The following DCTD variants were observed in gnomAD, a reference collection of about 807,000 sequenced individuals.
DCTD encodes deoxycytidylate deaminase.
DCTD carries 23 observed loss-of-function variants against 21.0 expected under a neutral mutation model. That is an observed-to-expected ratio of 1.09 (90% CI 0.79 to 1.55). The LOEUF (loss-of-function observed/expected upper bound fraction) is 1.55. Ranked by LOEUF, DCTD falls within the 40% of genes most tolerant of loss-of-function variation. The pLI is 0.00. For missense variants in DCTD, 224 were observed against 230.0 expected (o/e 0.97, Z 0.17); for synonymous variants, 71 against 81.1 (o/e 0.88, Z 0.67).
chr4:182,908,145 C>A (rs1231575620), intron 3 of DCTD, among the ~76,000 whole-genome samples: 1 of 152,036 alleles, frequency 6.6e-6, no homozygotes, highest in Non-Finnish European at 1.5e-5. Flanking sequence ...ACAATATATT[C>A]ATATTCTACT....
In DCTD at chr4:182,891,220, CAT is replaced by C; in HGVS notation, c.*177_*178del. On this transcript the variant is annotated 3_prime_UTR_variant, in exon 6 of 6. Transcript: ENST00000438320. ...AAACCCTAAAGCAATAGTTCAAACA[CAT>C]GTAGATTCCATGTGACAAGAGAGAC... 1 of 610,784 alleles carries C rather than the reference CAT, an allele frequency of 1.6e-6. No homozygotes were observed. Among genetic ancestry groups the C allele is most frequent in the Non-Finnish European group, 2.9e-6 (1 of 341,768 alleles). 37.8% of individuals were successfully genotyped at this position (610,784 alleles called of 1,614,324 possible).
chr4:182,899,541 C>T (rs1735355054), intron 3 of DCTD, among the ~76,000 whole-genome samples: 1 of 152,016 alleles, frequency 6.6e-6, no homozygotes, highest in Admixed American at 6.5e-5. Context: ...GCTGGGATTA[C>T]AGGCACCCGT....
At chr4:182,909,032 A>T (rs1331266514) in intron 3 of DCTD, among the ~76,000 whole-genome samples, 2 of 152,174 alleles carry the variant, frequency 1.3e-5, no homozygotes, top group African/African-American at 4.8e-5. Flanking sequence ...ATCCCCAAAC[A>T]TTTCAGCTTT....
At chr4:182,893,803 C>T (rs1734244643) in intron 4 of DCTD, among the ~76,000 whole-genome samples, 1 of 152,244 alleles carries the variant, frequency 6.6e-6, no homozygotes, top group African/African-American at 2.4e-5. Flanking sequence ...CGCGACTCCT[C>T]AGTACCAGCA....
chr4:182,903,690 C>T (rs1416077738), intron 3 of DCTD, among the ~76,000 whole-genome samples: 1 of 152,008 alleles, frequency 6.6e-6, no homozygotes, highest in Non-Finnish European at 1.5e-5. Flanking sequence ...TGCCCATCCG[C>T]CTGCCCACAG....
intron 3 of DCTD, among the ~76,000 whole-genome samples, chr4:182,897,453 G>A (rs989598340): frequency 1.1e-4 from 16 of 150,292 alleles, no homozygotes; most frequent in Non-Finnish European, 2.4e-4. Context: ...ACATCACCAT[G>A]AATAACTGGA....
Position 182,891,455 on chromosome 4 carries a change from T to C in DCTD, c.481A>G (p.Lys161Glu). ...TFRKFIPKCSKIVIDFDSINS... is the reference protein window; with the variant it reads ...TFRKFIPKCSEIVIDFDSINS... Reference sequence around the variant, plus strand: ...ATTGAATCAAAGTCAATGACAATCTTGCTGCACTTCGGTATGAATTTCCTA... The same window carrying C: ...ATTGAATCAAAGTCAATGACAATCTCGCTGCACTTCGGTATGAATTTCCTA... Residue 161 changes from lysine to glutamate, a missense_variant, in exon 6 of 6, where the codon AAG (lysine) becomes GAG (glutamate). Transcript: ENST00000438320. The C allele has an allele frequency of 6.2e-7, 1 of 1,612,022 alleles. No homozygotes were observed. The highest frequency in any genetic ancestry group is 1.1e-5 in the South Asian group (1 of 91,026).
intron 3 of DCTD, among the ~76,000 whole-genome samples, chr4:182,912,143 CGAAA>C (rs71596677): frequency 4.7e-4 from 63 of 133,738 alleles, no homozygotes; most frequent in South Asian, 7.4e-4. Context: ...AATCTTAAAA[CGAAA>C]GCAAAAAAAA....
intron 3 of DCTD, among the ~76,000 whole-genome samples, chr4:182,894,917 G>A (rs1319912845): frequency 6.6e-6 from 1 of 152,248 alleles, no homozygotes; most frequent in Non-Finnish European, 1.5e-5. Context: ...CACCTGAGCT[G>A]GCTCATTGGT....
At position 182,891,446 on chromosome 4, in the gene DCTD, T is replaced by C. The variant is rs750878147; in HGVS notation, c.490A>G (p.Ile164Val). The C allele has an allele frequency of 4.3e-6, 7 of 1,612,494 alleles. No homozygotes were observed. The highest frequency in any genetic ancestry group is 5.9e-6 in the Non-Finnish European group (7 of 1,178,632). The change falls in exon 6 of 6, where the codon ATT (isoleucine) becomes GTT (valine). Residue 164 changes from isoleucine (I) to valine (V), a missense_variant. Coordinates refer to ENST00000438320, the MANE Select transcript of DCTD (RefSeq NM_001921.3). The stretch of plus-strand genomic sequence containing the variant: ...CTGCTGTTAATTGAATCAAAGTCAA[T>C]GACAATCTTGCTGCACTTCGGTATG... ...KFIPKCSKIVIDFDSINSRPS... is the reference protein window; with the variant it reads ...KFIPKCSKIVVDFDSINSRPS...
At chr4:182,913,423 A>C (rs1004027707) in intron 3 of DCTD, among the ~76,000 whole-genome samples, 1 of 152,198 alleles carries the variant, frequency 6.6e-6, no homozygotes, top group Non-Finnish European at 1.5e-5. Flanking sequence ...GTACCTCTTA[A>C]CTTTTTCTTT....
At chr4:182,910,704 A>G (rs1737522047) in intron 3 of DCTD, among the ~76,000 whole-genome samples, 1 of 152,192 alleles carries the variant, frequency 6.6e-6, no homozygotes, top group South Asian at 2.1e-4. Flanking sequence ...ATTTTTCAGG[A>G]AAAGGATGGA....
chr4:182,915,361 TTTAAG>T, intron 2 of DCTD, 95 bp downstream of exon 2: 1 of 875,876 alleles, frequency 1.1e-6, no homozygotes, highest in Admixed American at 1.9e-5. Flanking sequence ...ACCCTGCACT[TTTAAG>T]TTGACAGGCG....
intron 3 of DCTD, among the ~76,000 whole-genome samples, chr4:182,903,080 C>G (rs893198073): frequency 3.3e-5 from 5 of 152,266 alleles, no homozygotes; most frequent in African/African-American, 1.2e-4. Context: ...TAACGACACC[C>G]GCCCCTTCCC....
chr4:182,914,033 A>G (rs576092290), intron 3 of DCTD, among the ~76,000 whole-genome samples: 2 of 152,098 alleles, frequency 1.3e-5, no homozygotes, highest in South Asian at 4.2e-4. Context: ...TTTGAGACAG[A>G]GTCTTGCTCT....
In DCTD at chr4:182,915,056, G is replaced by T; in HGVS notation, c.111C>A (p.Val37=). ...TTTCTGAATTCACGATGCAGGCGCC[G>T]ACCTAGAAGGAAACATGCCCAAAGG... ...AQRSKDPNSQ[V]GACIVNSENK... The change falls in exon 3 of 6, where the codon GTC becomes GTA. Residue 37 remains valine (V), a splice_region_variant and synonymous_variant. Transcript: ENST00000438320. 6.2e-7 allele frequency: 1 copy of T among 1,614,164 alleles called. No individual in the cohort carries two copies. The highest frequency in any genetic ancestry group is 1.1e-5 in the South Asian group (1 of 91,070).
rs971123799 is a variant in DCTD at position 182,911,215 on chromosome 4, C to G, written c.244+3708G>C. On this transcript the variant is annotated intron_variant, in intron 3 of 5. Coordinates refer to ENST00000438320, the MANE Select transcript of DCTD (RefSeq NM_001921.3). ...TGCACATGGAAAAAGAGTAACTGAGCTCCCTGGGGTCCCTTTTAGAAGGGC... is the reference window on the plus strand; with the variant it reads ...TGCACATGGAAAAAGAGTAACTGAGGTCCCTGGGGTCCCTTTTAGAAGGGC... The G allele has an allele frequency of 9.2e-5, 14 of 152,306 alleles. 1 individual carries two copies. Among genetic ancestry groups the G allele is most frequent in the Admixed American group, 7.2e-4 (11 of 15,300 alleles). 9.4% of individuals were successfully genotyped at this position (152,306 alleles called of 1,614,324 possible). A position where few individuals can be genotyped will look rare whatever the true frequency, so the allele number is the denominator to read the frequency against.
At chr4:182,904,663 A>G (rs1429481349) in intron 3 of DCTD, among the ~76,000 whole-genome samples, 1 of 152,054 alleles carries the variant, frequency 6.6e-6, no homozygotes, top group Admixed American at 6.6e-5. Context: ...ACTGCCCTAC[A>G]TTCCTAGGAC....
chr4:182,916,545 A>C (rs1738763426), intron 1 of DCTD: 1 of 987,428 alleles, frequency 1.0e-6, no homozygotes, highest in Admixed American at 6.1e-5. Flanking sequence ...AGTGCCTAAG[A>C]CAAGGATGCA....
Sources: allele counts gnomAD v4.1 joint callset (sites outside exome capture counted in the v4.1 genomes callset), GRCh38; gene constraint gnomAD v4.1.1; transcripts MANE v1.5; gene names NCBI Gene and HGNC (gene_info 2026-07-23, HGNC 2026-07-21).